The following UTRN variants were observed in gnomAD, a reference collection of about 807,000 sequenced individuals.
UTRN encodes utrophin.
Under a neutral mutation model 463.9 loss-of-function variants are expected in UTRN, and 283 were observed. The ratio of observed to expected loss-of-function variants is 0.61; its 90% CI spans 0.55 to 0.67. UTRN has a LOEUF of 0.67. Ranked by LOEUF, UTRN falls within the 30% of genes least tolerant of loss-of-function variation. UTRN has a pLI of 0.00. For missense variants in UTRN, 3,922 were observed against 4,084.3 expected (o/e 0.96, Z 1.08); for synonymous variants, 1,442 against 1,431.5 (o/e 1.01, Z -0.17).
intron 53 of UTRN, among the ~76,000 whole-genome samples, chr6:144,711,084 G>A (rs1325653723): frequency 3.3e-5 from 5 of 152,164 alleles, no homozygotes; most frequent in African/African-American, 1.2e-4. Flanking sequence ...TTGGGAAGCC[G>A]AGGCGGGTGG....
chr6:144,527,326 A>G (rs978793373), intron 41 of UTRN, among the ~76,000 whole-genome samples: 1 of 152,198 alleles, frequency 6.6e-6, no homozygotes, highest in Non-Finnish European at 1.5e-5. Context: ...ATAGGACCCC[A>G]ATCTCTTCTA....
At chr6:144,638,947 T>C (rs1327242318) in intron 51 of UTRN, among the ~76,000 whole-genome samples, 1 of 152,004 alleles carries the variant, frequency 6.6e-6, no homozygotes, top group Non-Finnish European at 1.5e-5. Context: ...GAATGGCTCA[T>C]GCCTGTAGTC....
chr6:144,569,420 C>A (rs1002177134), intron 50 of UTRN, among the ~76,000 whole-genome samples: 1 of 151,970 alleles, frequency 6.6e-6, no homozygotes, highest in African/African-American at 2.4e-5. Flanking sequence ...TTAAATTTCA[C>A]ATTTGCATGC....
At chr6:144,390,421 C>G (rs1338560224) in intron 2 of UTRN, among the ~76,000 whole-genome samples, 1 of 152,200 alleles carries the variant, frequency 6.6e-6, no homozygotes, top group African/African-American at 2.4e-5. Flanking sequence ...GTTAATCTCA[C>G]TAAAGCACCC....
chr6:144,335,725 A>G (rs1157961872), intron 2 of UTRN, among the ~76,000 whole-genome samples: 1 of 152,140 alleles, frequency 6.6e-6, no homozygotes, highest in Non-Finnish European at 1.5e-5. Flanking sequence ...GCTCATAAAT[A>G]AACTCTCAAG....
At chr6:144,840,457 C>A (rs1781469732) in intron 72 of UTRN, among the ~76,000 whole-genome samples, 1 of 151,946 alleles carries the variant, frequency 6.6e-6, no homozygotes, top group Non-Finnish European at 1.5e-5. Flanking sequence ...ATAATAAGAC[C>A]ATATTACTTG....
chr6:144,459,438 T>TG (rs1789189141), intron 21 of UTRN, 84 bp downstream of exon 21: 1 of 1,418,688 alleles, frequency 7.0e-7, no homozygotes. Flanking sequence ...TGAGTACACT[T>TG]GCTTGCTTTG....
In UTRN at chr6:144,690,074, G is replaced by GTTTTTTTTTTTTTTTTTT. The variant is rs1554339291; in HGVS notation, c.7653-10008_7653-9991dup. ...GGCCATAGAGCTCCCAAAAGTTTCTGTTTTTTTTTTTTTTTTTTTTTTGTG... is the reference window on the plus strand; with the variant it reads ...GGCCATAGAGCTCCCAAAAGTTTCTGTTTTTTTTTTTTTTTTTTTTTTTTTTTTTTTTTTTTTTTTGTG... On this transcript the variant is annotated intron_variant, in intron 52 of 74. Coordinates refer to ENST00000367545, the MANE Select transcript of UTRN (RefSeq NM_007124.3). Among the ~76,000 whole-genome samples, 3 of 31,276 alleles carry GTTTTTTTTTTTTTTTTTT rather than the reference G, an allele frequency of 9.6e-5. 1 individual carries two copies. The highest frequency in any genetic ancestry group is 3.5e-4 in the African/African-American group (2 of 5,682). The allele number at this position is 31,276 out of a possible 152,430, so 20.5% of individuals were successfully genotyped here. A position where few individuals can be genotyped will look rare whatever the true frequency, so the allele number is the denominator to read the frequency against.
chr6:144,627,800 T>G (rs982327097), intron 51 of UTRN, among the ~76,000 whole-genome samples: 4 of 145,748 alleles, frequency 2.7e-5, no homozygotes, highest in Admixed American at 6.8e-5. Flanking sequence ...TTCTGTGTTT[T>G]TTTTTTTTTT....
chr6:144,757,884 T>C, intron 57 of UTRN, 45 bp from the exon 58 acceptor site: 1 of 1,577,792 alleles, frequency 6.3e-7, no homozygotes, highest in South Asian at 1.2e-5. Context: ...GGTGTAAGGC[T>C]TTTTGGTTTC....
chr6:144,432,354 G>GTCTC (rs72581184), intron 9 of UTRN, among the ~76,000 whole-genome samples: 1 of 151,826 alleles, frequency 6.6e-6, no homozygotes, highest in Admixed American at 6.6e-5. Flanking sequence ...ACAACTCTCT[G>GTCTC]TCTCTCTCTC....
intron 2 of UTRN, among the ~76,000 whole-genome samples, chr6:144,376,462 A>C (rs1211667538): frequency 6.6e-6 from 1 of 151,898 alleles, no homozygotes; most frequent in Non-Finnish European, 1.5e-5. Flanking sequence ...TCAAAAAAAA[A>C]AAAAAAGTTT....
intron 66 of UTRN, among the ~76,000 whole-genome samples, chr6:144,826,348 A>T (rs1013868080): frequency 1.3e-5 from 2 of 152,100 alleles, no homozygotes; most frequent in Non-Finnish European, 2.9e-5. Context: ...CTAAGTAGGT[A>T]TGTATAATAG....
At chr6:144,679,212 A>G (rs1303367644) in intron 52 of UTRN, among the ~76,000 whole-genome samples, 1 of 152,178 alleles carries the variant, frequency 6.6e-6, no homozygotes, top group Non-Finnish European at 1.5e-5. Flanking sequence ...GATGAACCTT[A>G]GGACCAGAAT....
At chr6:144,532,801 TA>T (rs1459456299) in intron 42 of UTRN, among the ~76,000 whole-genome samples, 1 of 152,226 alleles carries the variant, frequency 6.6e-6, no homozygotes, top group Non-Finnish European at 1.5e-5. Flanking sequence ...TGCTTTAATG[TA>T]AACAGCTGTT....
At chr6:144,703,802 T>G (rs1176265113) in intron 53 of UTRN, among the ~76,000 whole-genome samples, 1 of 152,062 alleles carries the variant, frequency 6.6e-6, no homozygotes, top group Non-Finnish European at 1.5e-5. Flanking sequence ...TGAACAAAAG[T>G]ACAGAAAACC....
chr6:144,531,543 G>T (rs1052721659), intron 42 of UTRN, among the ~76,000 whole-genome samples: 24 of 152,056 alleles, frequency 1.6e-4, no homozygotes, highest in African/African-American at 5.8e-4. Context: ...CCTCACCTCT[G>T]TTTTTTGTAC....
Position 144,583,353 on chromosome 6 carries a change from C to T in UTRN, c.7479+6065C>T, listed in dbSNP as rs1469063570. On this transcript the variant is annotated intron_variant, in intron 51 of 74. Transcript: ENST00000367545. ...CAGCCTCCTTTTTCCTAGAACCTAA[C>T]CCCCTGTATCTTTCAAATGCTTTCC... 1.2e-5 allele frequency: 6 copies of T among 490,814 alleles called. No individual in the cohort carries two copies. The East Asian group carries it at 1.9e-4, about 16-fold the overall frequency. 30.4% of individuals were successfully genotyped at this position (490,814 alleles called of 1,614,324 possible).
chr6:144,468,538 C>G (rs1319894745), intron 23 of UTRN, among the ~76,000 whole-genome samples: 1 of 151,486 alleles, frequency 6.6e-6, no homozygotes, highest in Non-Finnish European at 1.5e-5. Context: ...TAGAAATTTA[C>G]TAACAGTTTT....
Sources: allele counts gnomAD v4.1 joint callset (sites outside exome capture counted in the v4.1 genomes callset), GRCh38; gene constraint gnomAD v4.1.1; transcripts MANE v1.5; gene names NCBI Gene and HGNC (gene_info 2026-07-23, HGNC 2026-07-21).